RBMS1: variants seen among roughly 807,000 people sequenced by gnomAD.
The protein encoded by RBMS1 is RNA binding motif single stranded interacting protein 1, also known as RNA-binding motif, single-stranded-interacting protein 1.
In RBMS1, 17 loss-of-function variants were observed where a neutral mutation model predicts 62.3. The observed-to-expected ratio is 0.27, with a 90% CI of 0.19 to 0.41. RBMS1 has a LOEUF of 0.41. Among genes scored for constraint, RBMS1 ranks in the 10% least tolerant of loss-of-function variants. The pLI, the probability that RBMS1 is intolerant of heterozygous loss-of-function variation, is 1.00. For synonymous variants in RBMS1, 172 were observed against 170.0 expected (o/e 1.01, Z -0.09); for missense variants, 334 against 504.5 (o/e 0.66, Z 3.24).
chr2:160,348,263 T>C (rs1692296701), intron 2 of RBMS1, among the ~76,000 whole-genome samples: 1 of 152,164 alleles, frequency 6.6e-6, no homozygotes, highest in African/African-American at 2.4e-5. Flanking sequence ...AAATATCCTC[T>C]TCACCAGAGG....
chr2:160,318,703 G>T (rs1690373723), intron 2 of RBMS1, among the ~76,000 whole-genome samples: 1 of 152,208 alleles, frequency 6.6e-6, no homozygotes, highest in Non-Finnish European at 1.5e-5. Context: ...GGACACCATT[G>T]CAAGGCTCCA....
At chr2:160,448,698 C>T (rs1683786829) in intron 1 of RBMS1, among the ~76,000 whole-genome samples, 1 of 152,226 alleles carries the variant, frequency 6.6e-6, no homozygotes, top group Non-Finnish European at 1.5e-5. Flanking sequence ...GAGATTGCAG[C>T]CTCTGCCCGG....
intron 1 of RBMS1, among the ~76,000 whole-genome samples, chr2:160,371,941 AGAG>A (rs1194038747): frequency 6.6e-6 from 1 of 152,208 alleles, no homozygotes. Flanking sequence ...CACCCCCTAT[AGAG>A]AAGAGAGAAA....
intron 2 of RBMS1, among the ~76,000 whole-genome samples, chr2:160,345,350 G>T (rs754182390): frequency 6.6e-6 from 1 of 152,166 alleles, no homozygotes; most frequent in Non-Finnish European, 1.5e-5. Context: ...AGGAAGTTAA[G>T]CCTATACGGG....
At chr2:160,449,076 A>G (rs1189487863) in intron 1 of RBMS1, among the ~76,000 whole-genome samples, 2 of 147,980 alleles carry the variant, frequency 1.4e-5, no homozygotes, top group Non-Finnish European at 3.0e-5. Context: ...CCGTCTGGGA[A>G]GTGAGGAGCC....
chr2:160,474,668 T>C (rs1685054370), intron 1 of RBMS1, among the ~76,000 whole-genome samples: 1 of 152,222 alleles, frequency 6.6e-6, no homozygotes, highest in African/African-American at 2.4e-5. Flanking sequence ...TGAGTACGTA[T>C]GTACAGGAAG....
intron 4 of RBMS1, among the ~76,000 whole-genome samples, chr2:160,311,228 C>CCATATATATATA (rs1553505409): frequency 1.4e-4 from 13 of 95,940 alleles, no homozygotes; most frequent in Non-Finnish European, 1.7e-4. Flanking sequence ...ATCTATCTAT[C>CCATATATATATA]TATCTATATA....
intron 1 of RBMS1, among the ~76,000 whole-genome samples, chr2:160,375,227 G>T (rs544099333): frequency 6.6e-6 from 1 of 152,180 alleles, no homozygotes; most frequent in African/African-American, 2.4e-5. Context: ...GCAAGAGTTT[G>T]TTAAACTGGC....
intron 1 of RBMS1, among the ~76,000 whole-genome samples, chr2:160,478,125 C>A (rs1449439781): frequency 6.6e-6 from 1 of 152,234 alleles, no homozygotes; most frequent in East Asian, 1.9e-4. Flanking sequence ...TCACTGGAGA[C>A]CTCCTTGACT....
intron 1 of RBMS1, among the ~76,000 whole-genome samples, chr2:160,490,166 C>T (rs1685761753): frequency 6.6e-6 from 1 of 151,944 alleles, no homozygotes; most frequent in Non-Finnish European, 1.5e-5. Context: ...TATAATACAG[C>T]ATAGGTCATT....
At chr2:160,309,538 G>C (rs767817263) in intron 4 of RBMS1, among the ~76,000 whole-genome samples, 1 of 152,122 alleles carries the variant, frequency 6.6e-6, no homozygotes, top group Non-Finnish European at 1.5e-5. Flanking sequence ...CAGCAGAAAG[G>C]GGCTGAAGAT....
chr2:160,342,464 T>C (rs2105995785), intron 2 of RBMS1, among the ~76,000 whole-genome samples: 1 of 152,202 alleles, frequency 6.6e-6, no homozygotes, highest in Admixed American at 6.5e-5. Flanking sequence ...AGCATCCATA[T>C]CATCTGCTCA....
intron 1 of RBMS1, among the ~76,000 whole-genome samples, chr2:160,400,412 T>C (rs149975150): frequency 2.3e-4 from 34 of 147,986 alleles, no homozygotes; most frequent in African/African-American, 8.1e-4. Flanking sequence ...AAGTTTGCAA[T>C]GAAGACAATC....
At chr2:160,402,283 G>A (rs1041174360) in intron 1 of RBMS1, among the ~76,000 whole-genome samples, 4 of 152,168 alleles carry the variant, frequency 2.6e-5, no homozygotes, top group Non-Finnish European at 4.4e-5. Flanking sequence ...CGGAAGCATG[G>A]ACCAAATGGT....
intron 1 of RBMS1, among the ~76,000 whole-genome samples, chr2:160,475,389 A>T (rs1685082318): frequency 6.6e-6 from 1 of 152,196 alleles, no homozygotes; most frequent in South Asian, 2.1e-4. Flanking sequence ...GGTAGGAGGA[A>T]AGTGAGACAT....
intron 1 of RBMS1, among the ~76,000 whole-genome samples, chr2:160,453,452 A>AT (rs1684082999): frequency 1.3e-5 from 2 of 152,090 alleles, no homozygotes; most frequent in South Asian, 4.1e-4. Flanking sequence ...AATTTTCTGC[A>AT]TTTTCCAAAT....
intron 1 of RBMS1, among the ~76,000 whole-genome samples, chr2:160,422,453 C>A (rs1696471417): frequency 6.6e-6 from 1 of 152,130 alleles, no homozygotes; most frequent in Non-Finnish European, 1.5e-5. Context: ...TTAATTGTGC[C>A]AGACATTGTT....
chr2:160,282,155 A>T, intron 9 of RBMS1: 1 of 1,103,218 alleles, frequency 9.1e-7, no homozygotes, highest in South Asian at 1.2e-5. Context: ...CCAATTCTTA[A>T]CAACAAAACC....
chr2:160,493,562 C>CCTT lies in RBMS1; in HGVS notation c.-200_-199insAAG. On this transcript the variant is annotated 5_prime_UTR_variant, in exon 1 of 14. Coordinates refer to ENST00000348849, the MANE Select transcript of RBMS1 (RefSeq NM_016836.4). ...TCCTCTTCCTCCTCCTCCTCCTCCT[C>CCTT]CTCCTCCTCTTCCTCCTCCTCCTCC... The CCTT allele has an allele frequency of 1.6e-6, 1 of 620,266 alleles. No homozygotes were observed. The highest frequency in any genetic ancestry group is 2.8e-6 in the Non-Finnish European group (1 of 351,654). 38.4% of individuals were successfully genotyped at this position (620,266 alleles called of 1,614,324 possible).
Sources: allele counts gnomAD v4.1 joint callset (sites outside exome capture counted in the v4.1 genomes callset), GRCh38; gene constraint gnomAD v4.1.1; transcripts MANE v1.5; gene names NCBI Gene and HGNC (gene_info 2026-07-23, HGNC 2026-07-21).